MCOLN3: variants seen among roughly 807,000 people sequenced by gnomAD.
MCOLN3 encodes mucolipin TRP cation channel 3.
MCOLN3 carries 62 observed loss-of-function variants against 69.4 expected under a neutral mutation model. That is an observed-to-expected ratio of 0.89 (90% CI 0.73 to 1.10). MCOLN3 has a LOEUF of 1.10. Among genes scored for constraint, MCOLN3 ranks in the 50% least tolerant of loss-of-function variants. MCOLN3 has a pLI of 0.00. For synonymous variants in MCOLN3, 183 were observed against 217.0 expected, an observed-to-expected ratio of 0.84 and a Z score of 1.38; for missense variants, 564 against 656.4, an observed-to-expected ratio of 0.86 and a Z score of 1.54.
chr1:85,045,374 A>AAAC lies in MCOLN3; in HGVS notation c.-2-15_-2-13dup, dbSNP rs199625574. On this transcript the variant is annotated splice_polypyrimidine_tract_variant and intron_variant, in intron 1 of 12. Coordinates refer to ENST00000370589, the MANE Select transcript of MCOLN3 (RefSeq NM_018298.11). ...AGGATCTGCCATCTCTAGAGGAAAA[A>AAAC]AACAACAACAACAACAACCAACATT... The AAAC allele has an allele frequency of 8.9e-6, 14 of 1,576,030 alleles. No individual in the cohort carries two copies. Among genetic ancestry groups the AAAC allele is most frequent in the African/African-American group, 1.4e-5 (1 of 73,588 alleles).
At chr1:85,029,392 T>C in intron 6 of MCOLN3, 187 bp from the exon 7 acceptor site, 1 of 555,974 alleles carries the variant, frequency 1.8e-6, no homozygotes, top group Non-Finnish European at 3.2e-6. Flanking sequence ...AACGATGAAC[T>C]AGATCTTCTA....
At chr1:85,038,307 C>A (rs1179847711) in intron 3 of MCOLN3, among the ~76,000 whole-genome samples, 1 of 152,028 alleles carries the variant, frequency 6.6e-6, no homozygotes, top group East Asian at 1.9e-4. Context: ...GGAAAACGAC[C>A]AAGCTTTGAG....
At chr1:85,032,221 T>C (rs1292171315) in intron 6 of MCOLN3, among the ~76,000 whole-genome samples, 1 of 152,198 alleles carries the variant, frequency 6.6e-6, no homozygotes, top group African/African-American at 2.4e-5. Flanking sequence ...TCTTACACTG[T>C]GTGCAGTGGT....
chr1:85,045,388 A>G, intron 1 of MCOLN3, 26 bp from the exon 2 acceptor site: 1 of 1,553,344 alleles, frequency 6.4e-7, no homozygotes, highest in African/African-American at 1.4e-5. Context: ...AACAACAACA[A>G]CAACCAACAT....
intron 6 of MCOLN3, among the ~76,000 whole-genome samples, chr1:85,031,039 G>A (rs542295319): frequency 3.1e-4 from 47 of 152,210 alleles, no homozygotes; most frequent in Non-Finnish European, 5.7e-4. Flanking sequence ...TTGGGAGGCC[G>A]AGGTGGGTGG....
At position 85,048,167 on chromosome 1, in the gene MCOLN3, C is replaced by A. The variant is rs191779427; in HGVS notation, c.-3+229G>T. Among the ~76,000 whole-genome samples the A allele has an allele frequency of 8.1e-3, 1,240 of 152,204 alleles. 15 individuals carry two copies. Among genetic ancestry groups the A allele is most frequent in the African/African-American group, 0.029 (1,199 of 41,568 alleles). On this transcript the variant is annotated intron_variant, in intron 1 of 12. Coordinates refer to ENST00000370589, the MANE Select transcript of MCOLN3 (RefSeq NM_018298.11). ...CCCGCCCAGCCCCGGGCAGGCCCGG[C>A]AGGCGCGCTCCTCCACTGACCTGCG... is the stretch of plus-strand genomic sequence containing the variant.
intron 1 of MCOLN3, among the ~76,000 whole-genome samples, chr1:85,045,619 G>A (rs1237484337): frequency 6.6e-6 from 1 of 152,166 alleles, no homozygotes; most frequent in East Asian, 1.9e-4. Context: ...GCTCCCATTA[G>A]TAAAAGATTA....
rs190964312 is a variant in MCOLN3, at chr1:85,042,313, A to G, written c.229-1136T>C. Among the ~76,000 whole-genome samples, 9 of 152,344 alleles carry G rather than the reference A, an allele frequency of 5.9e-5. No individual in the cohort carries two copies. The East Asian group carries it at 1.7e-3, about 29-fold the overall frequency. On this transcript the variant is annotated intron_variant, in intron 2 of 12. Transcript: ENST00000370589. ...TTCTATCCACCCTGTCATGCTACAC[A>G]AAGTAATCCAGGGTTTGATCAGAAA... is the stretch of plus-strand genomic sequence containing the variant.
intron 12 of MCOLN3, 138 bp downstream of exon 12, chr1:85,020,932 T>C (rs1405783128): frequency 1.7e-6 from 1 of 584,834 alleles, no homozygotes; most frequent in East Asian, 3.1e-5. Context: ...TATCAATTTC[T>C]AAAAATAAGG....
At chr1:85,043,368 G>A (rs1653166714) in intron 2 of MCOLN3, among the ~76,000 whole-genome samples, 1 of 151,856 alleles carries the variant, frequency 6.6e-6, no homozygotes, top group Non-Finnish European at 1.5e-5. Context: ...CATCTCCACT[G>A]AAAATACAAA....
chr1:85,025,300 C>T (rs1161419400), intron 9 of MCOLN3: 2 of 152,186 alleles, frequency 1.3e-5, no homozygotes, highest in Non-Finnish European at 2.9e-5. Flanking sequence ...GTGACTCAAT[C>T]AGTTGCATCA....
chr1:85,021,208 C>G lies in MCOLN3; in HGVS notation c.1389G>C (p.Thr463=). 6.2e-7 allele frequency: 1 copy of G among 1,613,818 alleles called. No individual in the cohort carries two copies. The highest frequency in any genetic ancestry group is 1.1e-5 in the South Asian group (1 of 91,080). ...SLINGDDMFA[T]FAKMQQKSYL... ...AACTTTTTTGCTGCATTTTTGCAAA[C>G]GTGGCAAACATATCATCTCCATTTA... Residue 463 remains threonine, a synonymous_variant, in exon 12 of 13, where the codon ACG becomes ACC. Transcript: ENST00000370589.
chr1:85,040,444 T>C (rs1034433311), intron 3 of MCOLN3, among the ~76,000 whole-genome samples: 1 of 152,212 alleles, frequency 6.6e-6, no homozygotes. Context: ...GAGAAAAATA[T>C]ATTATTTCTG....
intron 1 of MCOLN3, chr1:85,047,165 G>C (rs539909184): frequency 2.6e-5 from 4 of 152,134 alleles, no homozygotes; most frequent in African/African-American, 9.7e-5. Flanking sequence ...TTGATACAGG[G>C]AAAATTAAAT....
Position 85,034,080 on chromosome 1 carries a change from G to A in MCOLN3, c.550+18C>T. On this transcript the variant is annotated intron_variant, in intron 4 of 12. Transcript: ENST00000370589. ...GAGGTGTTAAAAATTGAGGTTCTAG[G>A]TTATAGAAGAACATCACCAGTTTCA... 2 of 1,613,546 alleles carry A rather than the reference G, an allele frequency of 1.2e-6. No individual in the cohort carries two copies. Among genetic ancestry groups the A allele is most frequent in the Non-Finnish European group, 1.7e-6 (2 of 1,179,528 alleles).
At chr1:85,047,409 C>T (rs1025603828) in intron 1 of MCOLN3, 8 of 152,286 alleles carry the variant, frequency 5.3e-5, no homozygotes, top group African/African-American at 1.9e-4. Context: ...AGGAGGTATT[C>T]GCAGCCAGCC....
In MCOLN3 at chr1:85,029,100, A is replaced by C; in HGVS notation, c.832+6T>G. The C allele has an allele frequency of 6.5e-7, 1 of 1,533,518 alleles. No individual in the cohort carries two copies. The highest frequency in any genetic ancestry group is 9.0e-7 in the Non-Finnish European group (1 of 1,107,602). 95.0% of individuals were successfully genotyped at this position (1,533,518 alleles called of 1,614,324 possible). ...ATTCTGAAAACTAGTAATGCGCATC[A>C]CTTACTTGATCCAGATACATGCCAG... On this transcript the variant is annotated splice_donor_region_variant and intron_variant, in intron 7 of 12. Coordinates refer to ENST00000370589, the MANE Select transcript of MCOLN3 (RefSeq NM_018298.11).
rs200661315 is a variant in MCOLN3, at chr1:85,022,197, G to A, written c.1198-5C>T. ...CTGAAGGGTCAAAATGAGGAGCTGGGAAAGTAAGAGAGGCCATTAGAATGG... is the reference window on the plus strand; with the variant it reads ...CTGAAGGGTCAAAATGAGGAGCTGGAAAAGTAAGAGAGGCCATTAGAATGG... On this transcript the variant is annotated splice_polypyrimidine_tract_variant and splice_region_variant and intron_variant, in intron 10 of 12. Coordinates refer to ENST00000370589, the MANE Select transcript of MCOLN3 (RefSeq NM_018298.11). The A allele has an allele frequency of 1.0e-4, 163 of 1,613,984 alleles. No homozygotes were observed. The East Asian group carries it at 3.6e-3, about 35-fold the overall frequency.
intron 6 of MCOLN3, chr1:85,030,015 ATTTCAAATGACT>A (rs1652424475): frequency 6.6e-6 from 1 of 152,236 alleles, no homozygotes; most frequent in African/African-American, 2.4e-5. Context: ...CAAATATAAG[ATTTCAAATGACT>A]TTTAAAAGTT....
Sources: gnomAD v4.1 joint callset for allele counts (sites outside exome capture counted in the v4.1 genomes callset) on GRCh38, gnomAD v4.1.1 for gene constraint, MANE v1.5 for transcripts, NCBI Gene and HGNC (gene_info 2026-07-23, HGNC 2026-07-21) for gene names.